Variants in FBXO25 observed in about 807,000 individuals in gnomAD.
FBXO25 encodes the protein F-box protein 25.
Under a neutral mutation model 51.9 loss-of-function variants are expected in FBXO25, and 45 were observed. The ratio of observed to expected loss-of-function variants is 0.87; its 90% CI spans 0.68 to 1.11. The LOEUF is 1.11. Ranked by LOEUF, FBXO25 falls within the 50% of genes most tolerant of loss-of-function variation. The probability of loss-of-function intolerance (pLI) is 0.00; values close to 1 mark genes in which losing one functional copy is unlikely to be tolerated. For missense variants in FBXO25, 507 were observed against 428.5 expected (o/e 1.18, Z -1.62); for synonymous variants, 199 against 151.0 (o/e 1.32, Z -2.33).
intron 2 of FBXO25, among the ~76,000 whole-genome samples, chr8:414,537 G>T (rs1325181092): frequency 1.3e-5 from 2 of 151,902 alleles, no homozygotes; most frequent in Non-Finnish European, 2.9e-5. Context: ...GTGGGAATTT[G>T]TTTTTTTCCC....
intron 2 of FBXO25, among the ~76,000 whole-genome samples, chr8:417,942 A>G (rs1165033525): frequency 6.6e-6 from 1 of 152,176 alleles, no homozygotes; most frequent in African/African-American, 2.4e-5. Flanking sequence ...ATAGAATCGT[A>G]TATTTAAAAT....
chr8:462,739 C>A (rs1394257293), intron 8 of FBXO25, among the ~76,000 whole-genome samples: 1 of 152,016 alleles, frequency 6.6e-6, no homozygotes, highest in Non-Finnish European at 1.5e-5. Flanking sequence ...ACATTGGAGA[C>A]TCAGAAGAGG....
At chr8:431,610 C>T (rs1797825456) in intron 3 of FBXO25, among the ~76,000 whole-genome samples, 166 bp downstream of exon 3, 1 of 152,224 alleles carries the variant, frequency 6.6e-6, no homozygotes, top group East Asian at 1.9e-4. Context: ...TGCAGCTCAA[C>T]CGTTTCAGTG....
rs1800641877 is a variant in FBXO25, at chr8:476,319, TGTG to T, written c.*7519_*7521del. On this transcript the variant is annotated 3_prime_UTR_variant, in exon 10 of 10. Coordinates refer to ENST00000350302, the MANE Select transcript of FBXO25 (RefSeq NM_183420.2). ...AAAATCTTGATCAGGAATACTGATGTGTGGTGTTTTTTTCTTATAGTGTCTTTG... is the reference window on the plus strand; with the variant it reads ...AAAATCTTGATCAGGAATACTGATGTGTGTTTTTTTCTTATAGTGTCTTTG... 6.7e-6 allele frequency: 1 copy of T among 148,924 alleles called. No individual in the cohort carries two copies. The highest frequency in any genetic ancestry group is 1.5e-5 in the Non-Finnish European group (1 of 67,454). 9.2% of individuals were successfully genotyped at this position (148,924 alleles called of 1,614,324 possible).
At chr8:448,975 G>A (rs11990892) in intron 5 of FBXO25, among the ~76,000 whole-genome samples, 33,248 of 151,904 alleles carry the variant, frequency 0.22, 3,911 homozygotes, top group African/African-American at 0.31. Context: ...CAGAGAGAAC[G>A]CAAAGTTTTT....
intron 2 of FBXO25, among the ~76,000 whole-genome samples, chr8:422,075 C>T (rs764697259): frequency 2.6e-5 from 4 of 152,122 alleles, no homozygotes; most frequent in Non-Finnish European, 4.4e-5. Flanking sequence ...TTGTTATAAG[C>T]ACAGTCCCTT....
rs1381012014 is a variant in FBXO25, at chr8:475,089, G to C, written c.*6285G>C. 1 of 371,436 alleles carries C rather than the reference G, an allele frequency of 2.7e-6. No homozygotes were observed. Among genetic ancestry groups the C allele is most frequent in the Non-Finnish European group, 5.2e-6 (1 of 192,978 alleles). 23.0% of individuals were successfully genotyped at this position (371,436 alleles called of 1,614,324 possible). Reference sequence around the variant, plus strand: ...CCTTATGTTTCTCCTAAATGTTTTAGTTTTAGCTCTTAGTTTAGGCCTTTG... The same window carrying C: ...CCTTATGTTTCTCCTAAATGTTTTACTTTTAGCTCTTAGTTTAGGCCTTTG... On this transcript the variant is annotated 3_prime_UTR_variant, in exon 10 of 10. Transcript: ENST00000350302.
At chr8:407,671 G>A (rs1287347147) in intron 1 of FBXO25, among the ~76,000 whole-genome samples, 1 of 151,976 alleles carries the variant, frequency 6.6e-6, no homozygotes, top group African/African-American at 2.4e-5. Flanking sequence ...TTGCCTCTTC[G>A]CCGGTGGGCA....
rs1406438612 is a variant in FBXO25, at chr8:451,333, C to G, written c.540C>G (p.Leu180=). 1 of 1,613,980 alleles carries G rather than the reference C, an allele frequency of 6.2e-7. No homozygotes were observed. Among genetic ancestry groups the G allele is most frequent in the Non-Finnish European group, 8.5e-7 (1 of 1,179,932 alleles). ...KDLLQDLSST[L]CILIRGVGKS... is the part of the protein sequence containing the mutation. ...TTCTGCAAGACCTAAGCTCTACCCT[C>G]TGCATTCTTATTAGAGGAGTAGGGA... is the stretch of plus-strand genomic sequence containing the variant. Residue 180 remains leucine (L), a synonymous_variant, in exon 7 of 10, where the codon CTC becomes CTG. Transcript: ENST00000350302.
chr8:415,883 TCA>T (rs1258223330), intron 2 of FBXO25, among the ~76,000 whole-genome samples: 2 of 152,230 alleles, frequency 1.3e-5, no homozygotes, highest in Non-Finnish European at 1.5e-5. Context: ...CCATCAGATT[TCA>T]GTGTTATTAT....
chr8:467,671 C>T (rs368087109), intron 9 of FBXO25: 15 of 1,595,296 alleles, frequency 9.4e-6, no homozygotes, highest in African/African-American at 2.7e-5. Flanking sequence ...TCCTTTTTTT[C>T]CCTCCCTTCA....
rs1215894290 is a variant in FBXO25 at position 458,446 on chromosome 8, A to T, written c.738A>T (p.Gly246=). The T allele has an allele frequency of 1.2e-6, 2 of 1,614,176 alleles. No individual in the cohort carries two copies. The highest frequency in any genetic ancestry group is 1.7e-6 in the Non-Finnish European group (2 of 1,180,028). ...LNNILYRFSD[G]WDIITLGQVT... ...ACATCCTATACCGGTTCTCAGACGG[A>T]TGGGACATCATCACCTTAGGCCAGG... Residue 246 remains glycine (G), a synonymous_variant, in exon 8 of 10, where the codon GGA becomes GGT. Transcript: ENST00000350302.
chr8:443,517 A>G (rs1798554557), intron 5 of FBXO25, among the ~76,000 whole-genome samples: 1 of 151,758 alleles, frequency 6.6e-6, no homozygotes, highest in Admixed American at 6.6e-5. Context: ...GACAGAGTCA[A>G]AATGGTTCCC....
chr8:419,059 A>G (rs745420598), intron 2 of FBXO25, among the ~76,000 whole-genome samples: 22 of 152,250 alleles, frequency 1.4e-4, no homozygotes, highest in Non-Finnish European at 2.6e-4. Flanking sequence ...TAAAGTCATC[A>G]TTAGAAAGTC....
At chr8:467,455 G>A (rs994085181) in intron 9 of FBXO25, among the ~76,000 whole-genome samples, 2 of 152,182 alleles carry the variant, frequency 1.3e-5, no homozygotes, top group African/African-American at 4.8e-5. Flanking sequence ...TGCCAAATTT[G>A]AAAGACTTAA....
chr8:464,256 A>G (rs542828739), intron 9 of FBXO25, among the ~76,000 whole-genome samples: 1 of 152,330 alleles, frequency 6.6e-6, no homozygotes, highest in Admixed American at 6.5e-5. Context: ...GCACCCGGCA[A>G]TTATCCACTT....
At chr8:455,945 C>G (rs1321044515) in intron 7 of FBXO25, among the ~76,000 whole-genome samples, 1 of 152,224 alleles carries the variant, frequency 6.6e-6, no homozygotes, top group African/African-American at 2.4e-5. Flanking sequence ...CTGGACTCTG[C>G]CAGAAATCCC....
In FBXO25 at chr8:468,906, C is replaced by G; in HGVS notation, c.*102C>G. The G allele has an allele frequency of 9.3e-7, 1 of 1,079,086 alleles. No homozygotes were observed. Among genetic ancestry groups the G allele is most frequent in the Non-Finnish European group, 1.3e-6 (1 of 767,318 alleles). 66.8% of individuals were successfully genotyped at this position (1,079,086 alleles called of 1,614,324 possible). ...GTGGGTGGAGACTCCTCGGAAGCCC[C>G]TGCTTCCAGAAAGCCTGGGAAGAAC... On this transcript the variant is annotated 3_prime_UTR_variant, in exon 10 of 10. Transcript: ENST00000350302.
At chr8:451,515 T>G in intron 7 of FBXO25, 62 bp downstream of exon 7, 4 of 1,466,854 alleles carry the variant, frequency 2.7e-6, no homozygotes, top group Non-Finnish European at 3.7e-6. Flanking sequence ...AGTTATCTTT[T>G]CTAAGCATAC....
Sources: allele counts gnomAD v4.1 joint callset (sites outside exome capture counted in the v4.1 genomes callset), GRCh38; gene constraint gnomAD v4.1.1; transcripts MANE v1.5; gene names NCBI Gene and HGNC (gene_info 2026-07-23, HGNC 2026-07-21).